Variants in VCF1 observed in about 807,000 individuals in gnomAD.
The protein encoded by VCF1 is VCP nuclear cofactor family member 1.
chr17:73,224,924 G>GCACA, the VCF1 span, among the ~76,000 whole-genome samples: 2 of 150,126 alleles, frequency 1.3e-5, no homozygotes, highest in African/African-American at 4.9e-5. Flanking sequence ...GGACAGGACA[G>GCACA]GACAGGACAG....
the VCF1 span, among the ~76,000 whole-genome samples, chr17:73,221,507 A>C: frequency 6.8e-6 from 1 of 147,172 alleles, no homozygotes; most frequent in African/African-American, 2.7e-5. Context: ...AAATTGATAA[A>C]ATCATTTCAC....
At chr17:73,220,817 G>T in the VCF1 span, among the ~76,000 whole-genome samples, 4 of 146,078 alleles carry the variant, frequency 2.7e-5, no homozygotes, top group African/African-American at 7.8e-5. Flanking sequence ...AAATGGTCTT[G>T]TTAAGCTAAG....
the VCF1 span, among the ~76,000 whole-genome samples, chr17:73,213,831 G>A: frequency 2.0e-5 from 3 of 152,120 alleles, no homozygotes; most frequent in East Asian, 1.9e-4. Context: ...GTAGCCGGGC[G>A]TGGTGGCGCA....
the VCF1 span, among the ~76,000 whole-genome samples, chr17:73,228,307 G>C: frequency 6.6e-6 from 1 of 152,256 alleles, no homozygotes; most frequent in Admixed American, 6.5e-5. Flanking sequence ...TGGACACACA[G>C]CTCTTGGAAA....
chr17:73,207,704 C>T, the VCF1 span: 25 of 1,292,116 alleles, frequency 1.9e-5, 1 homozygote, highest in Non-Finnish European at 2.4e-5. Flanking sequence ...CATTTCAGTA[C>T]GATGCCAACT....
At chr17:73,212,710 T>A in the VCF1 span, 2 of 1,594,916 alleles carry the variant, frequency 1.3e-6, no homozygotes, top group East Asian at 4.5e-5. Context: ...CTTAGTCTGT[T>A]TTCTTTACTG....
the VCF1 span, among the ~76,000 whole-genome samples, chr17:73,215,470 C>T: frequency 2.6e-5 from 4 of 151,976 alleles, no homozygotes; most frequent in Non-Finnish European, 4.4e-5. Flanking sequence ...GACGAGGTCT[C>T]ACTATGTTGC....
chr17:73,227,109 C>A, the VCF1 span: 3 of 1,215,494 alleles, frequency 2.5e-6, no homozygotes, highest in African/African-American at 1.6e-5. Context: ...ACAGCAGATA[C>A]TAGGTTATTT....
the VCF1 span, among the ~76,000 whole-genome samples, chr17:73,212,080 G>C: frequency 1.3e-5 from 2 of 152,140 alleles, no homozygotes; most frequent in African/African-American, 4.8e-5. Flanking sequence ...AGTTATATTA[G>C]GATGGAAAGA....
the VCF1 span, among the ~76,000 whole-genome samples, chr17:73,216,443 G>C: frequency 0.011 from 1,713 of 152,292 alleles, 35 homozygotes; most frequent in African/African-American, 0.039. Context: ...CGATGAGAAA[G>C]TCCCAGCAGT....
the VCF1 span, among the ~76,000 whole-genome samples, chr17:73,230,870 T>C: frequency 6.6e-6 from 1 of 152,250 alleles, no homozygotes; most frequent in Non-Finnish European, 1.5e-5. Flanking sequence ...TCAGATTAGT[T>C]ATGTACAGTA....
At chr17:73,211,591 GTGGCTCATGCC>G in the VCF1 span, among the ~76,000 whole-genome samples, 1 of 148,660 alleles carries the variant, frequency 6.7e-6, no homozygotes, top group Non-Finnish European at 1.5e-5. Flanking sequence ...GCCAGGCGCG[GTGGCTCATGCC>G]TGTAATCCCA....
chr17:73,210,304 A>G, the VCF1 span, among the ~76,000 whole-genome samples: 2 of 152,290 alleles, frequency 1.3e-5, no homozygotes, highest in East Asian at 1.9e-4. Context: ...ACAGACCCTG[A>G]AAGGACTTTA....
At chr17:73,213,476 T>C in the VCF1 span, among the ~76,000 whole-genome samples, 2 of 152,250 alleles carry the variant, frequency 1.3e-5, no homozygotes, top group African/African-American at 4.8e-5. Context: ...ATATATAGTA[T>C]ATCAGTTGAT....
chr17:73,212,197 A>G, the VCF1 span, among the ~76,000 whole-genome samples: 12 of 152,394 alleles, frequency 7.9e-5, no homozygotes, highest in Non-Finnish European at 1.6e-4. Flanking sequence ...TTACAGATAT[A>G]TATTTTAAAG....
At chr17:73,229,390 A>G in the VCF1 span, 14 of 985,344 alleles carry the variant, frequency 1.4e-5, no homozygotes, top group Non-Finnish European at 1.7e-5. Flanking sequence ...CATTAATGCC[A>G]CAGACCAGGT....
chr17:73,232,221 G>A, the VCF1 span: 2 of 1,611,342 alleles, frequency 1.2e-6, no homozygotes, highest in East Asian at 2.2e-5. Flanking sequence ...TCTCGCAGCC[G>A]CTCGGGTGGA....
At chr17:73,232,261 G>T in the VCF1 span, 1 of 1,609,660 alleles carries the variant, frequency 6.2e-7, no homozygotes, top group East Asian at 2.2e-5. Context: ...CCCTCAGTCG[G>T]ACCCGTACCA....
the VCF1 span, among the ~76,000 whole-genome samples, chr17:73,217,414 G>A: frequency 6.7e-6 from 1 of 149,992 alleles, no homozygotes; most frequent in Non-Finnish European, 1.5e-5. Context: ...GGACTTTGGA[G>A]GCCCAGACAG....
Sources: gnomAD v4.1 joint callset for allele counts (sites outside exome capture counted in the v4.1 genomes callset) on GRCh38, gnomAD v4.1.1 for gene constraint, MANE v1.5 for transcripts, NCBI Gene and HGNC (gene_info 2026-07-23, HGNC 2026-07-21) for gene names.